Variants in DOCK2 observed in about 807,000 individuals in gnomAD.
DOCK2 encodes the protein dedicator of cytokinesis 2.
A neutral mutation model predicts 248.9 loss-of-function variants in DOCK2; 87 were observed. The ratio of observed to expected loss-of-function variants is 0.35; its 90% confidence interval spans 0.29 to 0.42. The LOEUF is 0.42. Ranked by LOEUF, DOCK2 falls within the 10% of genes least tolerant of loss-of-function variation. The pLI is 1.00. For synonymous variants in DOCK2, 805 were observed against 821.6 expected (o/e 0.98, Z 0.35); for missense variants, 1,747 against 2,300.2 (o/e 0.76, Z 4.92).
At chr5:170,035,219 G>A (rs914987376) in intron 35 of DOCK2, among the ~76,000 whole-genome samples, 4 of 152,180 alleles carry the variant, frequency 2.6e-5, no homozygotes, top group African/African-American at 9.7e-5. Context: ...TAGGTAAGCA[G>A]CCATAATGCT....
intron 27 of DOCK2, among the ~76,000 whole-genome samples, chr5:169,897,090 G>T (rs2113562812): frequency 6.6e-6 from 1 of 152,226 alleles, no homozygotes; most frequent in South Asian, 2.1e-4. Flanking sequence ...TATTTATTAT[G>T]AATTTATTTA....
chr5:169,812,053 T>C (rs1581226868), intron 26 of DOCK2, among the ~76,000 whole-genome samples: 1 of 152,208 alleles, frequency 6.6e-6, no homozygotes, highest in African/African-American at 2.4e-5. Flanking sequence ...TGAGAAGTCA[T>C]CTAACTTCCC....
intron 1 of DOCK2, among the ~76,000 whole-genome samples, chr5:169,640,173 C>A (rs1757073653): frequency 6.6e-6 from 1 of 152,228 alleles, no homozygotes; most frequent in African/African-American, 2.4e-5. Context: ...AATAGGAGTA[C>A]CTTCTGAGAC....
intron 22 of DOCK2, among the ~76,000 whole-genome samples, chr5:169,747,106 T>C (rs1763654040): frequency 6.6e-6 from 1 of 152,172 alleles, no homozygotes; most frequent in African/African-American, 2.4e-5. Context: ...ATTATTAATG[T>C]CTCCTCAGCT....
intron 14 of DOCK2, among the ~76,000 whole-genome samples, chr5:169,702,877 CA>C (rs1032686393): frequency 5.9e-5 from 9 of 152,036 alleles, no homozygotes; most frequent in African/African-American, 2.2e-4. Flanking sequence ...CAGGCATTCT[CA>C]ACACTTAATC....
At chr5:169,825,587 A>AG (rs1341203198) in intron 26 of DOCK2, among the ~76,000 whole-genome samples, 1 of 115,640 alleles carries the variant, frequency 8.6e-6, no homozygotes, top group East Asian at 2.9e-4. Context: ...ACTTGGACGC[A>AG]GGGCGGGGAA....
intron 22 of DOCK2, among the ~76,000 whole-genome samples, chr5:169,740,087 G>A (rs529444253): frequency 6.6e-6 from 1 of 152,338 alleles, no homozygotes; most frequent in Non-Finnish European, 1.5e-5. Context: ...ATTACATAAA[G>A]TGTGCAGCTC....
rs763142081 is a variant in DOCK2 at position 169,654,434 on chromosome 5, C to G, written c.75C>G (p.Pro25=). The change falls in exon 2 of 52, where the codon CCC becomes CCG. Residue 25 remains proline (P), a synonymous_variant. Coordinates refer to ENST00000520908, the MANE Select transcript of DOCK2 (RefSeq NM_004946.3). The part of the protein sequence containing the change: ...AIYNFQGSGA[P]QLSLQIGDVV... ...ACAACTTCCAAGGCAGCGGAGCCCCCCAGCTCTCCCTGCAGATCGGCGATG... is the reference window on the plus strand; with the variant it reads ...ACAACTTCCAAGGCAGCGGAGCCCCGCAGCTCTCCCTGCAGATCGGCGATG... The G allele has an allele frequency of 6.2e-6, 10 of 1,614,180 alleles. No individual in the cohort carries two copies. The South Asian group carries it at 8.8e-5, about 14-fold the overall frequency.
At chr5:169,702,151 G>T in intron 13 of DOCK2, 152 bp from the exon 14 acceptor site, 1 of 889,112 alleles carries the variant, frequency 1.1e-6, no homozygotes, top group East Asian at 3.0e-5. Flanking sequence ...CCTCCCTGAT[G>T]AGGGAAAAAT....
At chr5:169,808,995 T>C (rs992541978) in intron 26 of DOCK2, among the ~76,000 whole-genome samples, 3 of 74,198 alleles carry the variant, frequency 4.0e-5, no homozygotes, top group Non-Finnish European at 5.7e-5. Flanking sequence ...GGGTTCTGAT[T>C]TTTTTTTTTT....
Position 169,699,998 on chromosome 5 carries a change from A to T in DOCK2, c.1133-16A>T, listed in dbSNP as rs758723044. 1 of 1,613,126 alleles carries T rather than the reference A, an allele frequency of 6.2e-7. No homozygotes were observed. The highest frequency in any genetic ancestry group is 1.1e-5 in the South Asian group (1 of 91,034). On this transcript the variant is annotated splice_polypyrimidine_tract_variant and intron_variant, in intron 12 of 51. Coordinates refer to ENST00000520908, the MANE Select transcript of DOCK2 (RefSeq NM_004946.3). The stretch of plus-strand genomic sequence containing the variant: ...TTGCAAAAGTGGGCTCTTCACGGTG[A>T]GCTGTTCCTTTGCAGGCCTCTGGGT...
intron 26 of DOCK2, among the ~76,000 whole-genome samples, chr5:169,832,604 A>G (rs1420901284): frequency 1.3e-5 from 2 of 152,262 alleles, no homozygotes; most frequent in African/African-American, 2.4e-5. Context: ...AGAAGACAGC[A>G]CTAAACCTAG....
At chr5:169,999,514 A>G (rs1324148549) in intron 30 of DOCK2, among the ~76,000 whole-genome samples, 1 of 152,208 alleles carries the variant, frequency 6.6e-6, no homozygotes, top group Non-Finnish European at 1.5e-5. Context: ...CTTGATAAAC[A>G]GGACAGGAGG....
chr5:169,807,826 T>C (rs1202764452), intron 26 of DOCK2, among the ~76,000 whole-genome samples: 1 of 61,262 alleles, frequency 1.6e-5, no homozygotes, highest in Non-Finnish European at 3.0e-5. Flanking sequence ...AGAGCAAGAC[T>C]CTGTCTCAAA....
At chr5:169,862,360 G>A (rs867626094) in intron 27 of DOCK2, among the ~76,000 whole-genome samples, 24 of 152,202 alleles carry the variant, frequency 1.6e-4, no homozygotes, top group African/African-American at 5.8e-4. Context: ...CATGAAATTA[G>A]CGTAAGCAAA....
At chr5:170,072,882 T>C (rs1043423866) in intron 46 of DOCK2, among the ~76,000 whole-genome samples, 6 of 152,216 alleles carry the variant, frequency 3.9e-5, no homozygotes, top group Admixed American at 2.6e-4. Context: ...TTATTATTGA[T>C]TTATAGGAGT....
intron 1 of DOCK2, among the ~76,000 whole-genome samples, chr5:169,644,823 T>C (rs1023520066): frequency 1.3e-4 from 20 of 152,174 alleles, no homozygotes; most frequent in African/African-American, 4.8e-4. Flanking sequence ...GGCCCCAGTG[T>C]GTGATGTTTC....
chr5:169,756,489 C>G (rs896475307), intron 23 of DOCK2, among the ~76,000 whole-genome samples: 1 of 152,168 alleles, frequency 6.6e-6, no homozygotes, highest in Non-Finnish European at 1.5e-5. Context: ...GGAAGAAACT[C>G]AGCACACACC....
chr5:170,018,973 C>T lies in DOCK2; in HGVS notation c.3246C>T (p.Ile1082=), dbSNP rs1293467151. 3 of 1,613,990 alleles carry T rather than the reference C, an allele frequency of 1.9e-6. No homozygotes were observed. The East Asian group carries it at 6.7e-5, about 36-fold the overall frequency. ...DMWYKLGQNK[I]CFIPGMVGPI... is the part of the protein sequence containing the mutation. ...CTTCTCTTTCAGGTCAGAACAAAATCTGCTTCATCCCAGGCATGGTAGGAC... is the reference window on the plus strand; with the variant it reads ...CTTCTCTTTCAGGTCAGAACAAAATTTGCTTCATCCCAGGCATGGTAGGAC... The change falls in exon 33 of 52, where the codon ATC becomes ATT. Residue 1082 remains isoleucine, a synonymous_variant. Transcript: ENST00000520908.
Sources: allele counts gnomAD v4.1 joint callset (sites outside exome capture counted in the v4.1 genomes callset), GRCh38; gene constraint gnomAD v4.1.1; transcripts MANE v1.5; gene names NCBI Gene and HGNC (gene_info 2026-07-23, HGNC 2026-07-21).